Variants in KAZN observed in about 807,000 individuals in gnomAD.
The protein encoded by KAZN is kazrin.
A neutral mutation model predicts 87.4 loss-of-function variants in KAZN; 40 were observed. The ratio of observed to expected loss-of-function variants is 0.46; its 90% CI spans 0.36 to 0.60. The LOEUF is 0.60. Ranked by LOEUF, KAZN falls within the 20% of genes least tolerant of loss-of-function variation. The pLI is 0.00. For synonymous variants in KAZN, 466 were observed against 458.3 expected, an observed-to-expected ratio of 1.02 and a Z score of -0.22; for missense variants, 898 against 1,073.9, an observed-to-expected ratio of 0.84 and a Z score of 2.29.
chr1:14,244,019 A>G (rs183657119), intron 2 of KAZN, among the ~76,000 whole-genome samples: 56 of 152,362 alleles, frequency 3.7e-4, no homozygotes, highest in Non-Finnish European at 1.0e-4. Flanking sequence ...AATTTTGCAC[A>G]CTCAATCTAT....
chr1:14,924,328 C>G (rs958827917), intron 1 of KAZN: 20 of 986,932 alleles, frequency 2.0e-5, no homozygotes, highest in Non-Finnish European at 2.4e-5. Flanking sequence ...CGGAGCCCCT[C>G]GCGCAGCCGC....
chr1:14,721,848 G>A (rs1643125757), intron 1 of KAZN, among the ~76,000 whole-genome samples: 1 of 152,114 alleles, frequency 6.6e-6, no homozygotes, highest in Non-Finnish European at 1.5e-5. Flanking sequence ...GATACTGTGA[G>A]GTTGTTAAAA....
Position 14,944,216 on chromosome 1 carries a change from G to C in KAZN, c.227-16468G>C, listed in dbSNP as rs1305076659. ...GTTTGTCTGCCTCTTCCCGCTCCCA[G>C]CTCCCCCTCCTAAAAAAAAAAAAAA... On this transcript the variant is annotated intron_variant, in intron 1 of 14. Coordinates refer to ENST00000376030, the MANE Select transcript of KAZN (RefSeq NM_201628.3). Among the ~76,000 whole-genome samples, 7 of 128,924 alleles carry C rather than the reference G, an allele frequency of 5.4e-5. No homozygotes were observed. In the South Asian group the frequency reaches 1.9e-3, roughly 36 times the overall value. The allele number at this position is 128,924 out of a possible 152,430, so 84.6% of individuals were successfully genotyped here.
At chr1:14,866,375 G>A (rs1651460721) in intron 1 of KAZN, among the ~76,000 whole-genome samples, 1 of 152,306 alleles carries the variant, frequency 6.6e-6, no homozygotes, top group African/African-American at 2.4e-5. Flanking sequence ...CCTGGTCAAG[G>A]TCTATGCCCA....
At chr1:14,292,181 G>T (rs1034303182) in intron 2 of KAZN, among the ~76,000 whole-genome samples, 2 of 152,208 alleles carry the variant, frequency 1.3e-5, no homozygotes, top group Non-Finnish European at 2.9e-5. Flanking sequence ...AGTTTTGTCT[G>T]CTGACATTGC....
At chr1:14,544,037 A>G (rs1240876935) in intron 2 of KAZN, among the ~76,000 whole-genome samples, 4 of 152,220 alleles carry the variant, frequency 2.6e-5, no homozygotes, top group Non-Finnish European at 5.9e-5. Context: ...CGTGAAATGC[A>G]TATTTTTTCC....
At chr1:14,342,028 T>A (rs1657765439) in intron 2 of KAZN, among the ~76,000 whole-genome samples, 2 of 152,168 alleles carry the variant, frequency 1.3e-5, no homozygotes, top group African/African-American at 4.8e-5. Context: ...TCCCAATGCA[T>A]GTGTCCGTGC....
chr1:14,643,042 A>C (rs1014611849), intron 1 of KAZN, among the ~76,000 whole-genome samples: 6 of 152,214 alleles, frequency 3.9e-5, no homozygotes, highest in Non-Finnish European at 8.8e-5. Context: ...TTCACACAAC[A>C]ACCTGTATGT....
At chr1:14,724,986 G>T (rs1643309451) in intron 1 of KAZN, among the ~76,000 whole-genome samples, 1 of 152,178 alleles carries the variant, frequency 6.6e-6, no homozygotes, top group African/African-American at 2.4e-5. Flanking sequence ...ACAGAAAAAG[G>T]CACTCAGAAG....
rs111909520 is a variant in KAZN, at chr1:13,941,097, G to T, written c.91+47341G>T. Among the ~76,000 whole-genome samples the T allele has an allele frequency of 3.3e-5, 5 of 152,210 alleles. No individual in the cohort carries two copies. In the East Asian group the frequency reaches 9.7e-4, roughly 29 times the overall value. On this transcript the variant is annotated intron_variant, in intron 1 of 16. Coordinates refer to the KAZN transcript ENST00000636203. Reference sequence around the variant, plus strand: ...TAATCCCAGCTACTCGGGAGGCTGAGGGGGAGAGAATCGCTTGAACCTAGG... The same window carrying T: ...TAATCCCAGCTACTCGGGAGGCTGATGGGGAGAGAATCGCTTGAACCTAGG...
At chr1:14,999,456 T>A (rs536809665) in intron 2 of KAZN, among the ~76,000 whole-genome samples, 1 of 150,536 alleles carries the variant, frequency 6.6e-6, no homozygotes, top group African/African-American at 2.5e-5. Context: ...TCTCCCTTGC[T>A]TCCTCCTACC....
intron 2 of KAZN, among the ~76,000 whole-genome samples, chr1:14,358,431 T>C (rs1484143823): frequency 6.6e-6 from 1 of 152,140 alleles, no homozygotes; most frequent in East Asian, 1.9e-4. Flanking sequence ...CCTTCAGTTC[T>C]GCTCTGATTT....
intron 2 of KAZN, among the ~76,000 whole-genome samples, chr1:14,503,602 G>T (rs1670388349): frequency 6.6e-6 from 1 of 150,406 alleles, no homozygotes; most frequent in Non-Finnish European, 1.5e-5. Context: ...CTTAACAGCA[G>T]TTACAATGAA....
At chr1:15,049,595 T>C (rs10803341) in intron 4 of KAZN, among the ~76,000 whole-genome samples, 27,508 of 152,100 alleles carry the variant, frequency 0.18, 3,425 homozygotes, top group East Asian at 0.71. Flanking sequence ...TTTGCAAGAA[T>C]CAGACGTTCC....
intron 2 of KAZN, among the ~76,000 whole-genome samples, chr1:14,410,823 C>T (rs1571560715): frequency 6.6e-6 from 1 of 152,156 alleles, no homozygotes; most frequent in South Asian, 2.1e-4. Flanking sequence ...CACCAGAACC[C>T]GAAAGAGGCC....
intron 1 of KAZN, among the ~76,000 whole-genome samples, chr1:14,932,186 A>C (rs562089942): frequency 6.6e-6 from 1 of 152,202 alleles, no homozygotes; most frequent in Admixed American, 6.5e-5. Flanking sequence ...TTGTCCTGTG[A>C]TTCACCTCTG....
intron 8 of KAZN, among the ~76,000 whole-genome samples, chr1:15,086,960 G>A (rs551887657): frequency 6.6e-6 from 1 of 152,350 alleles, no homozygotes; most frequent in Admixed American, 6.5e-5. Context: ...GAGATCTGGG[G>A]TACAGTTCTA....
At chr1:14,517,978 G>C (rs1228212525) in intron 2 of KAZN, among the ~76,000 whole-genome samples, 1 of 152,294 alleles carries the variant, frequency 6.6e-6, no homozygotes, top group African/African-American at 2.4e-5. Context: ...AGCACCTACT[G>C]TCTGTTTCAG....
intron 1 of KAZN, among the ~76,000 whole-genome samples, chr1:14,936,450 G>A (rs1037254808): frequency 2.6e-5 from 4 of 152,114 alleles, no homozygotes; most frequent in East Asian, 1.9e-4. Context: ...TGGACATCCC[G>A]CACCATGGGA....
Sources: gnomAD v4.1 joint callset for allele counts (sites outside exome capture counted in the v4.1 genomes callset) on GRCh38, gnomAD v4.1.1 for gene constraint, MANE v1.5 for transcripts, NCBI Gene and HGNC (gene_info 2026-07-23, HGNC 2026-07-21) for gene names.